KIAA0319: variants seen among roughly 807,000 people sequenced by gnomAD.
KIAA0319 encodes the protein dyslexia-associated protein KIAA0319.
A neutral mutation model predicts 108.4 loss-of-function variants in KIAA0319; 83 were observed. The observed-to-expected ratio is 0.77, with a 90% CI of 0.64 to 0.92. The LOEUF (loss-of-function observed/expected upper bound fraction) is 0.92, where lower values mean the gene tolerates loss of function less well. Among genes scored for constraint, KIAA0319 ranks in the 40% least tolerant of loss-of-function variants. The pLI, the probability that KIAA0319 is intolerant of heterozygous loss-of-function variation, is 0.00. For synonymous variants in KIAA0319, 484 were observed against 510.4 expected, an observed-to-expected ratio of 0.95 and a Z score of 0.70; for missense variants, 1,195 against 1,322.4, an observed-to-expected ratio of 0.90 and a Z score of 1.49.
chr6:24,583,522 G>A (rs1185569753), intron 5 of KIAA0319, 82 bp downstream of exon 5: 9 of 892,528 alleles, frequency 1.0e-5, no homozygotes, highest in African/African-American at 3.4e-5. Context: ...AAAAAGAATC[G>A]GCGTTGTAAA....
At chr6:24,587,041 G>A (rs925994269) in intron 4 of KIAA0319, among the ~76,000 whole-genome samples, 17 of 151,814 alleles carry the variant, frequency 1.1e-4, no homozygotes, top group Admixed American at 1.3e-4. Flanking sequence ...CCGATGACTC[G>A]TAATCCTTTA....
intron 12 of KIAA0319, among the ~76,000 whole-genome samples, chr6:24,569,328 G>T (rs1266498737): frequency 6.6e-6 from 1 of 152,180 alleles, no homozygotes; most frequent in Non-Finnish European, 1.5e-5. Flanking sequence ...CTAGGAGAGA[G>T]ATCACAGTAT....
chr6:24,622,059 T>C (rs1033699528), intron 1 of KIAA0319, among the ~76,000 whole-genome samples: 2 of 152,138 alleles, frequency 1.3e-5, no homozygotes, highest in African/African-American at 4.8e-5. Flanking sequence ...TGCCCTGGAA[T>C]GAAATCTACT....
At chr6:24,631,911 A>T (rs762354028) in intron 1 of KIAA0319, among the ~76,000 whole-genome samples, 5 of 152,208 alleles carry the variant, frequency 3.3e-5, no homozygotes, top group Non-Finnish European at 7.4e-5. Context: ...GATGCTTTCT[A>T]TGTCAGTGAA....
rs779809452 is a variant in KIAA0319, at chr6:24,601,106, T to G, written c.-3A>C. 1 of 1,614,106 alleles carries G rather than the reference T, an allele frequency of 6.2e-7. No individual in the cohort carries two copies. Among genetic ancestry groups the G allele is most frequent in the Non-Finnish European group, 8.5e-7 (1 of 1,180,008 alleles). On this transcript the variant is annotated 5_prime_UTR_variant, in exon 2 of 21. Coordinates refer to ENST00000378214, the MANE Select transcript of KIAA0319 (RefSeq NM_014809.4). ...AGCACACCTGTGGGGGGCGCCATTG[T>G]GCACCACACAGTGGGTGATGGCAGG...
At chr6:24,598,031 A>AT (rs1035147486) in intron 2 of KIAA0319, 3 of 283,672 alleles carry the variant, frequency 1.1e-5, no homozygotes, top group Non-Finnish European at 2.0e-5. Context: ...AAGGTGACCC[A>AT]TAAGTCCTAC....
chr6:24,594,814 C>CT (rs971527350), intron 3 of KIAA0319, among the ~76,000 whole-genome samples: 27 of 151,104 alleles, frequency 1.8e-4, no homozygotes, highest in South Asian at 6.3e-4. Flanking sequence ...GTACTCCAAG[C>CT]TTTTTTTTTA....
At chr6:24,608,508 T>C (rs948913952) in intron 1 of KIAA0319, among the ~76,000 whole-genome samples, 20 of 152,102 alleles carry the variant, frequency 1.3e-4, no homozygotes, top group African/African-American at 4.3e-4. Context: ...GGTCCTACCA[T>C]ATAATGAAAT....
chr6:24,640,101 T>TTGAGG (rs1776729813), intron 1 of KIAA0319, among the ~76,000 whole-genome samples: 2 of 152,130 alleles, frequency 1.3e-5, no homozygotes, highest in Non-Finnish European at 2.9e-5. Context: ...ACATAATAGT[T>TTGAGG]GTATATATTT....
intron 3 of KIAA0319, among the ~76,000 whole-genome samples, chr6:24,592,024 A>T (rs1372977316): frequency 1.3e-5 from 2 of 152,224 alleles, no homozygotes; most frequent in African/African-American, 4.8e-5. Flanking sequence ...TCTGAAATAC[A>T]AAAGTTTCTA....
chr6:24,578,207 A>G lies in KIAA0319; in HGVS notation c.1408T>C (p.Trp470Arg). The change falls in exon 9 of 21, where the codon TGG (tryptophan) becomes CGG (arginine). Residue 470 changes from tryptophan (W) to arginine (R), a missense_variant. Physicochemically the swap from Trp to Arg is moderately radical, Grantham distance 101. Coordinates refer to ENST00000378214, the MANE Select transcript of KIAA0319 (RefSeq NM_014809.4). Reference sequence around the variant, plus strand: ...ATGAAGGGCCCGTTTATTTCTTCCCAATGATAACTCACTATTTCAGTATCA... The same window carrying G: ...ATGAAGGGCCCGTTTATTTCTTCCCGATGATAACTCACTATTTCAGTATCA... Reference protein sequence around the residue: ...TDDTEIVSYHWEEINGPFIEE... With the variant: ...TDDTEIVSYHREEINGPFIEE... 6.2e-7 allele frequency: 1 copy of G among 1,606,644 alleles called. No homozygotes were observed. The highest frequency in any genetic ancestry group is 8.5e-7 in the Non-Finnish European group (1 of 1,173,438).
chr6:24,540,380 C>A (rs961258935), downstream of KIAA0319, among the ~76,000 whole-genome samples: 4 of 152,172 alleles, frequency 2.6e-5, no homozygotes, highest in African/African-American at 9.6e-5. Context: ...CTTTTCAGCT[C>A]CATTATCTCA....
chr6:24,541,422 C>T (rs542669458), downstream of KIAA0319, among the ~76,000 whole-genome samples: 6 of 152,224 alleles, frequency 3.9e-5, no homozygotes, highest in African/African-American at 9.6e-5. Context: ...TAATTAATCA[C>T]ATCTCTTTAA....
At position 24,565,370 on chromosome 6, in the gene KIAA0319, T is replaced by C. The variant is rs374514436; in HGVS notation, c.2293-1030A>G. 3.6e-5 allele frequency among the ~76,000 whole-genome samples: 5 copies of C among 140,428 alleles called. No individual in the cohort carries two copies. In the East Asian group the frequency reaches 7.7e-4, roughly 22 times the overall value. 92.1% of individuals were successfully genotyped at this position (140,428 alleles called of 152,430 possible). A position where few individuals can be genotyped will look rare whatever the true frequency, so the allele number is the denominator to read the frequency against. ...GAAATGGCAGGAATGAAGACGTACA[T>C]ACATTTATGTCCTAAGAGGCAGAGT... is the stretch of plus-strand genomic sequence containing the variant. On this transcript the variant is annotated intron_variant, in intron 14 of 20. Coordinates refer to ENST00000378214, the MANE Select transcript of KIAA0319 (RefSeq NM_014809.4).
intron 1 of KIAA0319, among the ~76,000 whole-genome samples, chr6:24,607,076 C>G (rs888468084): frequency 5.9e-5 from 9 of 152,248 alleles, no homozygotes; most frequent in African/African-American, 2.2e-4. Context: ...AGAAGCCAGG[C>G]CAGGTGCGGT....
intron 19 of KIAA0319, among the ~76,000 whole-genome samples, chr6:24,553,783 G>A (rs555468677): frequency 1.3e-5 from 2 of 152,192 alleles, no homozygotes. Flanking sequence ...CAAGACGACA[G>A]GGTTCAGGGA....
At chr6:24,573,031 G>C (rs1444040179) in intron 10 of KIAA0319, among the ~76,000 whole-genome samples, 1 of 152,154 alleles carries the variant, frequency 6.6e-6, no homozygotes, top group South Asian at 2.1e-4. Context: ...TGAGGCACGA[G>C]AATCACTTGG....
intron 10 of KIAA0319, among the ~76,000 whole-genome samples, chr6:24,573,272 C>A (rs894633543): frequency 1.3e-5 from 2 of 152,178 alleles, no homozygotes; most frequent in African/African-American, 2.4e-5. Flanking sequence ...AGTAATTCGA[C>A]TTCTTAGTAT....
chr6:24,607,017 A>T (rs930064301), intron 1 of KIAA0319, among the ~76,000 whole-genome samples: 4 of 152,224 alleles, frequency 2.6e-5, no homozygotes, highest in Non-Finnish European at 5.9e-5. Flanking sequence ...AGGAAAAAAT[A>T]AACTTTTCTC....
Sources: gnomAD v4.1 joint callset for allele counts (sites outside exome capture counted in the v4.1 genomes callset) on GRCh38, gnomAD v4.1.1 for gene constraint, MANE v1.5 for transcripts, NCBI Gene and HGNC (gene_info 2026-07-23, HGNC 2026-07-21) for gene names.